ANO2: variants seen among roughly 807,000 people sequenced by gnomAD.
The protein encoded by ANO2 is anoctamin 2.
A neutral mutation model predicts 124.2 loss-of-function variants in ANO2; 101 were observed. The observed-to-expected ratio is 0.81, with a 90% CI of 0.69 to 0.96. The LOEUF (loss-of-function observed/expected upper bound fraction) is 0.96, where lower values mean the gene tolerates loss of function less well. Among genes scored for constraint, ANO2 ranks in the 40% least tolerant of loss-of-function variants. ANO2 has a pLI of 0.00. For synonymous variants in ANO2, 486 were observed against 482.5 expected (o/e 1.01, Z -0.09); for missense variants, 1,293 against 1,274.5 (o/e 1.01, Z -0.22).
At chr12:5,718,866 A>G (rs894802269) in intron 14 of ANO2, among the ~76,000 whole-genome samples, 2 of 152,074 alleles carry the variant, frequency 1.3e-5, no homozygotes, top group African/African-American at 2.4e-5. Flanking sequence ...GGCGGCCCCA[A>G]TTTCCACCGT....
chr12:5,691,348 G>A (rs10849326), intron 14 of ANO2, among the ~76,000 whole-genome samples: 15,475 of 62,608 alleles, frequency 0.25, 1,440 homozygotes, highest in Non-Finnish European at 0.34. Flanking sequence ...AAAAAAAAAA[G>A]AAGAAGAAGA....
intron 12 of ANO2, chr12:5,741,202 T>C (rs979536421): frequency 1.3e-5 from 2 of 152,236 alleles, no homozygotes; most frequent in African/African-American, 4.8e-5. Context: ...ACTGTAAACT[T>C]TTCCTGGCTC....
chr12:5,826,137 T>C (rs1953946419), intron 7 of ANO2, among the ~76,000 whole-genome samples: 1 of 152,234 alleles, frequency 6.6e-6, no homozygotes, highest in Non-Finnish European at 1.5e-5. Context: ...AGCATTTAGG[T>C]ATTGTTAACT....
chr12:5,694,231 G>C (rs1462948969), intron 14 of ANO2, among the ~76,000 whole-genome samples: 1 of 144,986 alleles, frequency 6.9e-6, no homozygotes, highest in Non-Finnish European at 1.5e-5. Context: ...CAGTTCCTTA[G>C]CAGAAGGGTT....
At chr12:5,717,314 C>A (rs1437218466) in intron 14 of ANO2, among the ~76,000 whole-genome samples, 1 of 152,154 alleles carries the variant, frequency 6.6e-6, no homozygotes, top group African/African-American at 2.4e-5. Flanking sequence ...CCAAATTGAC[C>A]CAGAGGGTAT....
intron 3 of ANO2, among the ~76,000 whole-genome samples, chr12:5,878,705 A>G (rs1206049108): frequency 1.3e-5 from 2 of 152,362 alleles, no homozygotes; most frequent in East Asian, 3.9e-4. Context: ...TACTGGGAAC[A>G]TCACATTCCC....
chr12:5,800,787 T>G (rs542818636), intron 9 of ANO2, among the ~76,000 whole-genome samples: 1 of 152,268 alleles, frequency 6.6e-6, no homozygotes, highest in East Asian at 1.9e-4. Flanking sequence ...CAGCTAGATA[T>G]GAAAATCTGA....
intron 11 of ANO2, among the ~76,000 whole-genome samples, chr12:5,748,883 A>C (rs948359516): frequency 2.0e-5 from 3 of 151,772 alleles, no homozygotes; most frequent in African/African-American, 4.8e-5. Flanking sequence ...AAAAAAAAAA[A>C]AAAAACAAAA....
chr12:5,798,288 C>G (rs942287653), intron 10 of ANO2, among the ~76,000 whole-genome samples: 2 of 152,112 alleles, frequency 1.3e-5, no homozygotes, highest in Non-Finnish European at 1.5e-5. Flanking sequence ...CCTGCTCCCC[C>G]ACCCAAGACC....
chr12:5,788,325 T>C (rs1040163428), intron 10 of ANO2, among the ~76,000 whole-genome samples: 6 of 152,214 alleles, frequency 3.9e-5, no homozygotes, highest in African/African-American at 1.4e-4. Context: ...TGGTTTGTTA[T>C]GCAACATCAA....
chr12:5,733,882 T>C (rs1306304852), intron 13 of ANO2, among the ~76,000 whole-genome samples: 1 of 152,210 alleles, frequency 6.6e-6, no homozygotes, highest in Non-Finnish European at 1.5e-5. Flanking sequence ...TCATTACATA[T>C]TTTTCTTTTA....
intron 16 of ANO2, among the ~76,000 whole-genome samples, chr12:5,623,897 G>A (rs1945255601): frequency 1.3e-5 from 2 of 152,176 alleles, no homozygotes; most frequent in South Asian, 4.1e-4. Context: ...TGGAGGGACT[G>A]TCTGGGTACC....
At chr12:5,868,000 C>T (rs998911380) in intron 3 of ANO2, among the ~76,000 whole-genome samples, 1 of 151,982 alleles carries the variant, frequency 6.6e-6, no homozygotes, top group Non-Finnish European at 1.5e-5. Context: ...TATTCAATAG[C>T]ACAATGGATA....
At chr12:5,873,655 G>A (rs1341012763) in intron 3 of ANO2, among the ~76,000 whole-genome samples, 2 of 152,230 alleles carry the variant, frequency 1.3e-5, no homozygotes, top group Non-Finnish European at 2.9e-5. Flanking sequence ...CCGTCAACAC[G>A]TCAGGACAAA....
intron 3 of ANO2, among the ~76,000 whole-genome samples, chr12:5,896,047 T>C (rs1282749117): frequency 6.6e-6 from 1 of 152,108 alleles, no homozygotes; most frequent in East Asian, 1.9e-4. Context: ...AAACCAAATA[T>C]TCTATCCTCT....
intron 3 of ANO2, among the ~76,000 whole-genome samples, chr12:5,895,709 T>C (rs1939733796): frequency 6.6e-6 from 1 of 151,700 alleles, no homozygotes; most frequent in Admixed American, 6.6e-5. Context: ...ACAATCACTA[T>C]GAAAAACAGT....
intron 14 of ANO2, among the ~76,000 whole-genome samples, chr12:5,665,766 C>A (rs1311050428): frequency 6.7e-6 from 1 of 148,550 alleles, no homozygotes; most frequent in Non-Finnish European, 1.5e-5. Flanking sequence ...GCACTCCAGG[C>A]CCTGACTCAC....
intron 14 of ANO2, among the ~76,000 whole-genome samples, chr12:5,702,370 G>A (rs918498455): frequency 1.3e-5 from 2 of 151,958 alleles, no homozygotes; most frequent in African/African-American, 4.8e-5. Context: ...TGATACCACA[G>A]TCATAGTAAA....
chr12:5,610,736 A>ATG (rs1348507139), intron 19 of ANO2, among the ~76,000 whole-genome samples: 7 of 141,388 alleles, frequency 5.0e-5, no homozygotes, highest in African/African-American at 1.8e-4. Context: ...ATATATATAT[A>ATG]TATATATGAA....
Sources: gnomAD v4.1 joint callset for allele counts (sites outside exome capture counted in the v4.1 genomes callset) on GRCh38, gnomAD v4.1.1 for gene constraint, MANE v1.5 for transcripts, NCBI Gene and HGNC (gene_info 2026-07-23, HGNC 2026-07-21) for gene names.